DLGAP4: variants seen among roughly 807,000 people sequenced by gnomAD.
DLGAP4 encodes DLG associated protein 4.
In DLGAP4, 18 loss-of-function variants were observed where a neutral mutation model predicts 86.9. The observed-to-expected ratio is 0.21, with a 90% CI of 0.14 to 0.31. The LOEUF is 0.31. DLGAP4 is among the 10% of genes least tolerant of loss of function. DLGAP4 has a pLI of 1.00. For synonymous variants in DLGAP4, 548 were observed against 574.3 expected, an observed-to-expected ratio of 0.95 and a Z score of 0.65; for missense variants, 1,085 against 1,362.6, an observed-to-expected ratio of 0.80 and a Z score of 3.21.
At chr20:36,328,518 A>C (rs1555891198) in intron 1 of DLGAP4, among the ~76,000 whole-genome samples, 1 of 151,872 alleles carries the variant, frequency 6.6e-6, no homozygotes, top group East Asian at 1.9e-4. Context: ...ACAAGAATGC[A>C]GGGAAATTGA....
rs1158723225 is a variant in DLGAP4 at position 36,432,794 on chromosome 20, ATTCACTTGGAAAGTCAC to A, written c.999+83_999+99del. On this transcript the variant is annotated intron_variant, in intron 3 of 12. Coordinates refer to ENST00000339266, the MANE Select transcript of DLGAP4 (RefSeq NM_001365621.2). The surrounding 1 kb of genome is among the most constrained non-coding windows in gnomAD (Gnocchi z 6.5). ...GTTTTGAGGCCTAGACGTACCACAG[ATTCACTTGGAAAGTCAC>A]TTCATTCTGGGCCTCTGTGGCTCAG... The A allele has an allele frequency of 7.8e-6, 12 of 1,530,936 alleles. No homozygotes were observed. Among genetic ancestry groups the A allele is most frequent in the Non-Finnish European group, 1.1e-5 (12 of 1,130,276 alleles). 94.8% of individuals were successfully genotyped at this position (1,530,936 alleles called of 1,614,324 possible). A position where few individuals can be genotyped will look rare whatever the true frequency, so the allele number is the denominator to read the frequency against.
intron 2 of DLGAP4, among the ~76,000 whole-genome samples, chr20:36,407,712 G>T (rs2032365862): frequency 6.6e-6 from 1 of 152,132 alleles, no homozygotes; most frequent in Non-Finnish European, 1.5e-5. Context: ...TGGTGTGTGT[G>T]CTGGGCCTTG....
rs773109564 is a variant in DLGAP4, at chr20:36,500,257, G to A, written c.2158G>A (p.Asp720Asn). 7.4e-6 allele frequency: 12 copies of A among 1,610,874 alleles called. No individual in the cohort carries two copies. In the Admixed American group the frequency reaches 1.2e-4, roughly 16 times the overall value. Reference protein sequence around the residue: ...SRRDTDSDTQDANDSSCKSSE... With the variant: ...SRRDTDSDTQNANDSSCKSSE... ...ACGGGACACAGACTCGGATACCCAG[G>A]ATGCCAATGACTCAAGCTGTAAGTC... is the stretch of plus-strand genomic sequence containing the variant. The change falls in exon 10 of 13, where the codon GAT (aspartate) becomes AAT (asparagine). Residue 720 changes from aspartate (D) to asparagine (N), a missense_variant. Around this residue, in one of 2 missense-constraint regions of DLGAP4, gnomAD observed 1,082 missense variants for 1,344.1 expected, o/e 0.81. Transcript: ENST00000339266. This position sits in a 1 kb window ranked among gnomAD's most constrained non-coding sequence, Gnocchi z 4.6.
chr20:36,381,555 T>C (rs1306588483), intron 2 of DLGAP4, among the ~76,000 whole-genome samples: 1 of 152,140 alleles, frequency 6.6e-6, no homozygotes, highest in Non-Finnish European at 1.5e-5. Context: ...ATGGTGAACA[T>C]TGAGATGGGT....
At chr20:36,309,312 C>T (rs1600388419) in intron 1 of DLGAP4, among the ~76,000 whole-genome samples, 1 of 152,192 alleles carries the variant, frequency 6.6e-6, no homozygotes, top group Non-Finnish European at 1.5e-5. Flanking sequence ...TGGAGAAGGG[C>T]AGGGTCGTGC....
chr20:36,478,816 A>G (rs1413620135), intron 7 of DLGAP4, among the ~76,000 whole-genome samples: 1 of 152,176 alleles, frequency 6.6e-6, no homozygotes, highest in Non-Finnish European at 1.5e-5. Context: ...AGAGCCTTCA[A>G]CCTCTCTGAG....
intron 7 of DLGAP4, among the ~76,000 whole-genome samples, chr20:36,448,808 C>T (rs940369641): frequency 3.3e-5 from 5 of 152,100 alleles, no homozygotes; most frequent in African/African-American, 1.2e-4. Context: ...GTGGTGCACA[C>T]CTGTAGTTCT....
At position 36,442,687 on chromosome 20, in the gene DLGAP4, C is replaced by A. The variant is rs2033482083; in HGVS notation, c.1357-40C>A. The A allele has an allele frequency of 1.9e-6, 3 of 1,611,778 alleles. No individual in the cohort carries two copies. In the South Asian group the frequency reaches 3.3e-5, roughly 18 times the overall value. ...CCTGAATCCCCCACCCCAGCCCCAG[C>A]CCTGGTCCTTCCATAACCCTCACCC... On this transcript the variant is annotated intron_variant, in intron 5 of 12. Coordinates refer to ENST00000339266, the MANE Select transcript of DLGAP4 (RefSeq NM_001365621.2).
intron 10 of DLGAP4, among the ~76,000 whole-genome samples, chr20:36,519,681 AGCAGCT>A (rs1316448439): frequency 6.6e-6 from 1 of 152,198 alleles, no homozygotes; most frequent in African/African-American, 2.4e-5. Flanking sequence ...TATTTTCCAC[AGCAGCT>A]GCATCATTTT....
chr20:36,450,559 T>C (rs1467745237), intron 7 of DLGAP4, among the ~76,000 whole-genome samples: 2 of 152,134 alleles, frequency 1.3e-5, no homozygotes, highest in Non-Finnish European at 2.9e-5. Flanking sequence ...TTGGCTGTAT[T>C]TACTCATGCC....
rs1261825031 is a variant in DLGAP4, at chr20:36,457,284, T to A, written c.1648+10347T>A. The stretch of plus-strand genomic sequence containing the variant: ...CCCAGGCTGGCGTGCAGTAGCGAGA[T>A]CTTGGCTCACTGCAACCTCCGCTTC... On this transcript the variant is annotated intron_variant, in intron 7 of 12. Coordinates refer to ENST00000339266, the MANE Select transcript of DLGAP4 (RefSeq NM_001365621.2). 3.3e-5 allele frequency among the ~76,000 whole-genome samples: 5 copies of A among 151,716 alleles called. No homozygotes were observed. In the South Asian group the frequency reaches 8.3e-4, roughly 25 times the overall value.
intron 10 of DLGAP4, among the ~76,000 whole-genome samples, chr20:36,502,549 C>T (rs1003041775): frequency 2.0e-5 from 3 of 150,960 alleles, no homozygotes; most frequent in Non-Finnish European, 4.4e-5. Context: ...ACAAGGTCTC[C>T]CTGCGTTGCC....
intron 1 of DLGAP4, among the ~76,000 whole-genome samples, chr20:36,307,859 T>C (rs2065019247): frequency 6.6e-6 from 1 of 152,206 alleles, no homozygotes; most frequent in Non-Finnish European, 1.5e-5. Flanking sequence ...GGGAATCAGT[T>C]GTACAGGACC....
rs533797475 is a variant in DLGAP4, at chr20:36,432,799, C to A, written c.999+83C>A. 7.3e-6 allele frequency: 11 copies of A among 1,515,410 alleles called. No homozygotes were observed. The East Asian group carries it at 2.6e-4, about 35-fold the overall frequency. The allele number at this position is 1,515,410 out of a possible 1,614,324, so 93.9% of individuals were successfully genotyped here. On this transcript the variant is annotated intron_variant, in intron 3 of 12. Transcript: ENST00000339266. The surrounding 1 kb of genome is among the most constrained non-coding windows in gnomAD (Gnocchi z 6.5). Reference sequence around the variant, plus strand: ...GAGGCCTAGACGTACCACAGATTCACTTGGAAAGTCACTTCATTCTGGGCC... The same window carrying A: ...GAGGCCTAGACGTACCACAGATTCAATTGGAAAGTCACTTCATTCTGGGCC...
rs35210861 is a variant in DLGAP4 at position 36,409,034 on chromosome 20, C to CTTTTTT, written c.-72-22598_-72-22593dup. ...TCTAAAACTATTGCCAAATAAAAGG[C>CTTTTTT]TTTTTTTTTTTTTTTTTTTGAGACA... On this transcript the variant is annotated intron_variant, in intron 2 of 12. Coordinates refer to ENST00000339266, the MANE Select transcript of DLGAP4 (RefSeq NM_001365621.2). Among the ~76,000 whole-genome samples, 10 of 111,172 alleles carry CTTTTTT rather than the reference C, an allele frequency of 9.0e-5. 1 individual carries two copies. Among genetic ancestry groups the CTTTTTT allele is most frequent in the Non-Finnish European group, 1.2e-4 (7 of 57,052 alleles). The allele number at this position is 111,172 out of a possible 152,430, so 72.9% of individuals were successfully genotyped here.
intron 5 of DLGAP4, among the ~76,000 whole-genome samples, chr20:36,442,333 T>A (rs892992118): frequency 5.9e-5 from 9 of 152,208 alleles, no homozygotes; most frequent in African/African-American, 1.7e-4. Context: ...TAGCTGGGAT[T>A]ATAGGCATGT....
intron 7 of DLGAP4, among the ~76,000 whole-genome samples, chr20:36,473,811 A>T (rs980903398): frequency 2.6e-5 from 4 of 152,148 alleles, no homozygotes; most frequent in African/African-American, 9.7e-5. Context: ...CCCTAAGTAC[A>T]GAGCTGGAGT....
intron 7 of DLGAP4, chr20:36,461,748 T>TCCGG (rs1474275856): frequency 2.3e-5 from 20 of 853,480 alleles, no homozygotes; most frequent in Non-Finnish European, 2.6e-5. Flanking sequence ...CGTCCGTCCG[T>TCCGG]CCGCCCGCCC....
At chr20:36,522,120 A>G (rs1406935663) in intron 10 of DLGAP4, among the ~76,000 whole-genome samples, 5 of 151,984 alleles carry the variant, frequency 3.3e-5, no homozygotes, top group African/African-American at 1.2e-4. Context: ...GTTGCCGGCT[A>G]GGTTCAGGAA....
Sources: allele counts gnomAD v4.1 joint callset (sites outside exome capture counted in the v4.1 genomes callset), GRCh38; gene constraint gnomAD v4.1.1; regional missense constraint gnomAD v4.1.1; non-coding constraint Gnocchi (gnomAD v3.1); transcripts MANE v1.5; gene names NCBI Gene and HGNC (gene_info 2026-07-23, HGNC 2026-07-21).